The following LGSN variants were observed in gnomAD, a reference collection of about 807,000 sequenced individuals.
The protein encoded by LGSN is lengsin.
In LGSN, 21 loss-of-function variants were observed where a neutral mutation model predicts 19.5. The ratio of observed to expected loss-of-function variants is 1.07; its 90% CI spans 0.76 to 1.55. LGSN has a LOEUF of 1.55. Among genes scored for constraint, LGSN ranks in the 40% most tolerant of loss-of-function variants. The probability of loss-of-function intolerance (pLI) is 0.00; values close to 1 mark genes in which losing one functional copy is unlikely to be tolerated. For synonymous variants in LGSN, 257 were observed against 215.6 expected (o/e 1.19, Z -1.68); for missense variants, 673 against 608.5 (o/e 1.11, Z -1.12).
chr6:63,424,039 C>G, the LGSN span, among the ~76,000 whole-genome samples: 3 of 151,948 alleles, frequency 2.0e-5, no homozygotes, highest in African/African-American at 7.3e-5. Context: ...AACTCTGTCT[C>G]AAAAGCAAAA....
At chr6:63,380,869 AT>A in the LGSN span, among the ~76,000 whole-genome samples, 3 of 151,954 alleles carry the variant, frequency 2.0e-5, no homozygotes, top group South Asian at 2.1e-4. Context: ...AGTTCAGGAA[AT>A]TTTTTTTCAG....
At chr6:63,412,806 G>GA in the LGSN span, among the ~76,000 whole-genome samples, 1 of 146,510 alleles carries the variant, frequency 6.8e-6, no homozygotes, top group Admixed American at 6.9e-5. Flanking sequence ...AGGAAAGAAG[G>GA]AAGGAAGGAA....
chr6:63,389,833 AT>A, the LGSN span, among the ~76,000 whole-genome samples: 2 of 152,118 alleles, frequency 1.3e-5, no homozygotes, highest in African/African-American at 4.8e-5. Flanking sequence ...ATTTTAAATT[AT>A]TTTTTACACT....
chr6:63,367,730 G>A, the LGSN span, among the ~76,000 whole-genome samples: 1 of 146,676 alleles, frequency 6.8e-6, no homozygotes, highest in Admixed American at 6.6e-5. Context: ...AGAAAATGTG[G>A]CACATATACA....
At chr6:63,356,604 C>T in the LGSN span, among the ~76,000 whole-genome samples, 1,436 of 151,934 alleles carry the variant, frequency 9.5e-3, 14 homozygotes, top group African/African-American at 0.032. Flanking sequence ...AAGTAACAGT[C>T]AAGAGATGAG....
In LGSN at chr6:63,310,755, A is replaced by G. The variant is rs1434320678; in HGVS notation, c.30+9159T>C. ...CAGATTTTTGTAAGATTAGGAAACA[A>G]AAGGAAGACAGAAGGAGCCAAATCA... On this transcript the variant is annotated intron_variant, in intron 1 of 3. Coordinates refer to ENST00000370657, the MANE Select transcript of LGSN (RefSeq NM_016571.3). 2.0e-5 allele frequency among the ~76,000 whole-genome samples: 3 copies of G among 152,188 alleles called. No homozygotes were observed. In the East Asian group the frequency reaches 5.8e-4, roughly 29 times the overall value.
At chr6:63,544,618 G>A in the LGSN span, among the ~76,000 whole-genome samples, 141 of 152,204 alleles carry the variant, frequency 9.3e-4, no homozygotes, top group Non-Finnish European at 1.7e-3. Flanking sequence ...GATCTTAATA[G>A]TGGATCAGTT....
the LGSN span, among the ~76,000 whole-genome samples, chr6:63,547,497 A>AGTTTTTT: frequency 1.2e-5 from 1 of 82,396 alleles, no homozygotes; most frequent in African/African-American, 4.8e-5. Context: ...GCCAGGGGGG[A>AGTTTTTT]ATTTTTTTTT....
the LGSN span, among the ~76,000 whole-genome samples, chr6:63,445,697 T>C: frequency 6.6e-6 from 1 of 152,188 alleles, no homozygotes; most frequent in Non-Finnish European, 1.5e-5. Context: ...ACCTTCAATA[T>C]CAGCATAGAT....
At chr6:63,370,165 C>T in the LGSN span, among the ~76,000 whole-genome samples, 1 of 152,158 alleles carries the variant, frequency 6.6e-6, no homozygotes, top group Non-Finnish European at 1.5e-5. Flanking sequence ...ACTATTCATG[C>T]CAGGTAACAT....
intron 3 of LGSN, among the ~76,000 whole-genome samples, chr6:63,284,570 G>T (rs970833027): frequency 5.9e-5 from 9 of 152,078 alleles, no homozygotes; most frequent in South Asian, 2.1e-4. Context: ...AAACTGAACA[G>T]CAAACAGTTT....
chr6:63,419,542 C>T, the LGSN span, among the ~76,000 whole-genome samples: 1 of 152,050 alleles, frequency 6.6e-6, no homozygotes, highest in Admixed American at 6.6e-5. Context: ...CATTTTGAGG[C>T]CTCCTTACCA....
intron 2 of LGSN, among the ~76,000 whole-genome samples, chr6:63,288,391 G>A (rs1163152627): frequency 1.3e-5 from 2 of 151,616 alleles, no homozygotes; most frequent in Non-Finnish European, 2.9e-5. Context: ...ATATTATGAT[G>A]TGGGGCAAGT....
the LGSN span, among the ~76,000 whole-genome samples, chr6:63,370,260 G>A: frequency 6.6e-6 from 1 of 152,130 alleles, no homozygotes; most frequent in Non-Finnish European, 1.5e-5. Flanking sequence ...GTGCTGGCAT[G>A]GTATCCCAGG....
At chr6:63,494,757 A>G in the LGSN span, among the ~76,000 whole-genome samples, 7 of 152,200 alleles carry the variant, frequency 4.6e-5, no homozygotes, top group African/African-American at 1.7e-4. Context: ...GCCATAGGCA[A>G]AACTTTTACC....
At chr6:63,493,007 A>T in the LGSN span, among the ~76,000 whole-genome samples, 1 of 152,194 alleles carries the variant, frequency 6.6e-6, no homozygotes, top group Non-Finnish European at 1.5e-5. Context: ...ATGTTTGTAG[A>T]TGTGAACACC....
At chr6:63,449,198 T>G in the LGSN span, among the ~76,000 whole-genome samples, 3 of 151,452 alleles carry the variant, frequency 2.0e-5, no homozygotes, top group East Asian at 1.9e-4. Flanking sequence ...TTTAAATAAA[T>G]AAACCCACCA....
Position 63,280,071 on chromosome 6 carries a change from T to G in LGSN, c.1480A>C (p.Asn494His), listed in dbSNP as rs1181690453. The change falls in exon 4 of 4, where the codon AAT becomes CAT. Residue 494 changes from asparagine (N) to histidine (H), a missense_variant. Physicochemically the swap from Asn to His is moderately conservative, Grantham distance 68 (BLOSUM62 1). Coordinates refer to ENST00000370657, the MANE Select transcript of LGSN (RefSeq NM_016571.3). ...TTTCTCTCTGCAGCTATTTCTTCAT[T>G]CTCCAACTCATATTTCTTCATGGCA... ...FVAMKKYELENEEIAAERNKF... is the reference protein window; with the variant it reads ...FVAMKKYELEHEEIAAERNKF... 10 of 1,612,742 alleles carry G rather than the reference T, an allele frequency of 6.2e-6. No homozygotes were observed. Among genetic ancestry groups the G allele is most frequent in the Non-Finnish European group, 8.5e-6 (10 of 1,179,378 alleles).
the LGSN span, among the ~76,000 whole-genome samples, chr6:63,410,125 T>G: frequency 6.6e-6 from 1 of 152,192 alleles, no homozygotes; most frequent in Non-Finnish European, 1.5e-5. Context: ...AGATATGACA[T>G]AAAATATTTA....
Sources: gnomAD v4.1 joint callset for allele counts (sites outside exome capture counted in the v4.1 genomes callset) on GRCh38, gnomAD v4.1.1 for gene constraint, MANE v1.5 for transcripts, NCBI Gene and HGNC (gene_info 2026-07-23, HGNC 2026-07-21) for gene names.